The following PCDHGA2 variants were observed in gnomAD, a reference collection of about 807,000 sequenced individuals.
PCDHGA2 encodes protocadherin gamma-A2.
In PCDHGA2, 40 loss-of-function variants were observed where a neutral mutation model predicts 59.2. The observed-to-expected ratio is 0.68, with a 90% CI of 0.52 to 0.88. The LOEUF is 0.88. PCDHGA2 is among the 40% of genes least tolerant of loss of function. The pLI is 0.00. For synonymous variants in PCDHGA2, 560 were observed against 526.0 expected (o/e 1.06, Z -0.89); for missense variants, 1,226 against 1,204.0 (o/e 1.02, Z -0.27).
At chr5:141,381,866 G>A (rs1166624603) in intron 1 of PCDHGA2, among the ~76,000 whole-genome samples, 3 of 53,342 alleles carry the variant, frequency 5.6e-5, no homozygotes, top group Non-Finnish European at 6.8e-5. Flanking sequence ...TTTTGCTCTT[G>A]TTGTCCAGGC....
At chr5:141,461,354 C>T (rs1189322704) in intron 1 of PCDHGA2, among the ~76,000 whole-genome samples, 2 of 152,054 alleles carry the variant, frequency 1.3e-5, no homozygotes, top group Non-Finnish European at 2.9e-5. Context: ...GGTGGTAGCT[C>T]GTTGTGGTTT....
chr5:141,372,497 G>T, intron 1 of PCDHGA2: 2 of 1,614,032 alleles, frequency 1.2e-6, no homozygotes, highest in Non-Finnish European at 1.7e-6. Flanking sequence ...TGATCTCAGT[G>T]CTCTTCCTCC....
rs368191708 is a variant in PCDHGA2 at position 141,339,863 on chromosome 5, T to C, written c.892T>C (p.Ser298Pro). 2 of 1,614,164 alleles carry C rather than the reference T, an allele frequency of 1.2e-6. No homozygotes were observed. Residue 298 changes from serine (S) to proline (P), a missense_variant, in exon 1 of 4, where the codon TCT becomes CCT. Transcript: ENST00000394576. ...AGAGGTATTTGAGCTTAAGTCAACATCTGGAGAACTGACAATCATAAAAGA... is the reference window on the plus strand; with the variant it reads ...AGAGGTATTTGAGCTTAAGTCAACACCTGGAGAACTGACAATCATAAAAGA... Reference protein sequence around the residue: ...TSEVFELKSTSGELTIIKDLD... With the variant: ...TSEVFELKSTPGELTIIKDLD...
intron 1 of PCDHGA2, chr5:141,384,020 G>C: frequency 6.2e-7 from 1 of 1,613,730 alleles, no homozygotes; most frequent in Non-Finnish European, 8.5e-7. Context: ...CTACAAGACA[G>C]AGATTCTGGA....
Position 141,486,986 on chromosome 5 carries a change from T to C in PCDHGA2, c.2425-7821T>C. Reference sequence around the variant, plus strand: ...GGACTTGGATTCAGGTTACAATGCTTGGGTTTCCTATCAGCTCCTGGAGGC... The same window carrying C: ...GGACTTGGATTCAGGTTACAATGCTCGGGTTTCCTATCAGCTCCTGGAGGC... On this transcript the variant is annotated intron_variant, in intron 1 of 3. Coordinates refer to ENST00000394576, the MANE Select transcript of PCDHGA2 (RefSeq NM_018915.4). The surrounding 1 kb of genome is among the most constrained non-coding windows in gnomAD (Gnocchi z 5.0). 6.2e-7 allele frequency: 1 copy of C among 1,614,214 alleles called. No homozygotes were observed. Among genetic ancestry groups the C allele is most frequent in the South Asian group, 1.1e-5 (1 of 91,088 alleles).
chr5:141,357,369 C>G, intron 1 of PCDHGA2: 1 of 1,614,182 alleles, frequency 6.2e-7, no homozygotes, highest in East Asian at 2.2e-5. Context: ...ACAAGTCACG[C>G]CTGCTTCACG....
intron 1 of PCDHGA2, 79 bp from the exon 2 acceptor site, chr5:141,494,728 C>T (rs2099756337): frequency 1.2e-6 from 2 of 1,609,984 alleles, no homozygotes; most frequent in Admixed American, 3.3e-5. Context: ...TCCTTCTCTC[C>T]CGGCCCATCC....
chr5:141,374,976 C>A, intron 1 of PCDHGA2: 1 of 1,614,016 alleles, frequency 6.2e-7, no homozygotes, highest in Non-Finnish European at 8.5e-7. Context: ...AATGTTTTGA[C>A]TGGAGAAATT....
At chr5:141,354,532 G>C (rs1415813950) in intron 1 of PCDHGA2, among the ~76,000 whole-genome samples, 1 of 152,212 alleles carries the variant, frequency 6.6e-6, no homozygotes, top group Non-Finnish European at 1.5e-5. Context: ...CATTGCCCCA[G>C]GTTCTAGAGG....
chr5:141,354,817 T>C (rs371536222), intron 1 of PCDHGA2, among the ~76,000 whole-genome samples: 21 of 152,362 alleles, frequency 1.4e-4, no homozygotes, highest in African/African-American at 4.8e-4. Context: ...TAAAGTTTAT[T>C]GTACAGGAAG....
At chr5:141,421,281 C>T in intron 1 of PCDHGA2, 2 of 1,612,970 alleles carry the variant, frequency 1.2e-6, no homozygotes, top group South Asian at 2.2e-5. Flanking sequence ...TGCTGCTGTG[C>T]ATTTTCCTGG....
intron 1 of PCDHGA2, chr5:141,421,579 T>G (rs753573473): frequency 1.9e-6 from 3 of 1,613,816 alleles, no homozygotes; most frequent in Non-Finnish European, 2.5e-6. Context: ...CTTGAAGATT[T>G]ACGGAGTGGA....
intron 1 of PCDHGA2, chr5:141,428,119 C>T (rs2097112199): frequency 6.2e-7 from 1 of 1,606,512 alleles, no homozygotes; most frequent in Non-Finnish European, 8.5e-7. Context: ...GCCATCGAGC[C>T]CGGGCTTTTC....
Position 141,489,089 on chromosome 5 carries a change from A to G in PCDHGA2, c.2425-5718A>G. 5.6e-5 allele frequency: 16 copies of G among 284,404 alleles called. No individual in the cohort carries two copies. The highest frequency in any genetic ancestry group is 9.0e-5 in the Non-Finnish European group (14 of 156,416). The allele number at this position is 284,404 out of a possible 1,614,324, so 17.6% of individuals were successfully genotyped here. On this transcript the variant is annotated intron_variant, in intron 1 of 3. Coordinates refer to ENST00000394576, the MANE Select transcript of PCDHGA2 (RefSeq NM_018915.4). The surrounding 1 kb of genome is among the most constrained non-coding windows in gnomAD (Gnocchi z 4.5). ...CCCTGCCCACCCCCGCCACTCGGTG[A>G]CTAAGAACTGCTGCAAGCAGGCAAA...
chr5:141,396,870 A>G (rs536206475), intron 1 of PCDHGA2, among the ~76,000 whole-genome samples: 3 of 152,328 alleles, frequency 2.0e-5, no homozygotes, highest in African/African-American at 7.2e-5. Flanking sequence ...TACCATTTGG[A>G]TGCACATTTG....
chr5:141,345,941 C>G (rs772670164), intron 1 of PCDHGA2: 6 of 1,613,582 alleles, frequency 3.7e-6, no homozygotes, highest in Non-Finnish European at 5.1e-6. Flanking sequence ...TGGACAGAGA[C>G]GCGCTCAAGC....
At position 141,339,454 on chromosome 5, in the gene PCDHGA2, C is replaced by G. The variant is rs780869328; in HGVS notation, c.483C>G (p.Asp161Glu). 1.9e-6 allele frequency: 3 copies of G among 1,614,100 alleles called. No individual in the cohort carries two copies. The highest frequency in any genetic ancestry group is 2.5e-6 in the Non-Finnish European group (3 of 1,180,054). ...RIPLKNAHDA[D>E]VGENALQKYA... Reference sequence around the variant, plus strand: ...CTCTTAAGAATGCGCATGATGCAGACGTAGGTGAGAACGCCCTTCAGAAGT... The same window carrying G: ...CTCTTAAGAATGCGCATGATGCAGAGGTAGGTGAGAACGCCCTTCAGAAGT... Residue 161 changes from aspartate to glutamate, a missense_variant, in exon 1 of 4, where the codon GAC (aspartate) becomes GAG (glutamate). Coordinates refer to ENST00000394576, the MANE Select transcript of PCDHGA2 (RefSeq NM_018915.4).
rs780268305 is a variant in PCDHGA2, at chr5:141,410,637, T to G, written c.2424+69242T>G. 1.9e-6 allele frequency: 3 copies of G among 1,599,938 alleles called. No homozygotes were observed. In the South Asian group the frequency reaches 3.3e-5, roughly 18 times the overall value. ...CTGACTTCGGTGAGTTTCTCTTTTT[T>G]GTGTGTGATTTATCTAATAGTCTAC... On this transcript the variant is annotated intron_variant, in intron 1 of 3. Transcript: ENST00000394576.
At position 141,350,695 on chromosome 5, in the gene PCDHGA2, C is replaced by A. The variant is rs570147190; in HGVS notation, c.2424+9300C>A. 1.9e-6 allele frequency: 3 copies of A among 1,613,934 alleles called. No homozygotes were observed. The South Asian group carries it at 3.3e-5, about 18-fold the overall frequency. ...TAGAAATTTGTGAGTCAGCCTTACC[C>A]GGGGTAAAATTCTCTCTGGATTCTG... On this transcript the variant is annotated intron_variant, in intron 1 of 3. Transcript: ENST00000394576.
Sources: gnomAD v4.1 joint callset for allele counts (sites outside exome capture counted in the v4.1 genomes callset) on GRCh38, gnomAD v4.1.1 for gene constraint, Gnocchi (gnomAD v3.1) non-coding constraint, MANE v1.5 for transcripts, NCBI Gene and HGNC (gene_info 2026-07-23, HGNC 2026-07-21) for gene names.